PLXDC1: variants seen among roughly 807,000 people sequenced by gnomAD.
PLXDC1 encodes the protein plexin domain-containing protein 1.
PLXDC1 carries 39 observed loss-of-function variants against 61.3 expected under a neutral mutation model. That is an observed-to-expected ratio of 0.64 (90% confidence interval 0.49 to 0.83). The LOEUF is 0.83. PLXDC1 is among the 40% of genes least tolerant of loss of function. The pLI, the probability that PLXDC1 is intolerant of heterozygous loss-of-function variation, is 0.00. For synonymous variants in PLXDC1, 212 were observed against 254.5 expected, an observed-to-expected ratio of 0.83 and a Z score of 1.59; for missense variants, 596 against 666.5, an observed-to-expected ratio of 0.89 and a Z score of 1.17.
At chr17:39,128,120 T>TATAC (rs1567769587) in intron 2 of PLXDC1, among the ~76,000 whole-genome samples, 17 of 118,804 alleles carry the variant, frequency 1.4e-4, no homozygotes, top group East Asian at 5.1e-4. Context: ...TATATGTATA[T>TATAC]ATATATGTGT....
At chr17:39,072,709 G>A in intron 11 of PLXDC1, 1 of 568,636 alleles carries the variant, frequency 1.8e-6, no homozygotes, top group Non-Finnish European at 3.2e-6. Context: ...GGCTGGGAGT[G>A]GAGGGCCGGC....
chr17:39,111,146 C>T (rs1280395228), intron 2 of PLXDC1, among the ~76,000 whole-genome samples: 4 of 152,138 alleles, frequency 2.6e-5, no homozygotes, highest in Non-Finnish European at 5.9e-5. Context: ...TGCCCACCCC[C>T]CAGACCAGAC....
chr17:39,067,641 A>T lies in PLXDC1; in HGVS notation c.*199T>A, dbSNP rs1908944925. ...AGATTAGGTTGTTGTTCCTATAAAA[A>T]ATCCATGTGGTTGTTTTTTGGCCCC... On this transcript the variant is annotated 3_prime_UTR_variant, in exon 14 of 14. Coordinates refer to ENST00000315392, the MANE Select transcript of PLXDC1 (RefSeq NM_020405.5). The T allele has an allele frequency of 3.8e-6, 2 of 526,656 alleles. No individual in the cohort carries two copies. The highest frequency in any genetic ancestry group is 6.9e-5 in the Admixed American group (2 of 28,888). The allele number at this position is 526,656 out of a possible 1,614,324, so 32.6% of individuals were successfully genotyped here. A position where few individuals can be genotyped will look rare whatever the true frequency, so the allele number is the denominator to read the frequency against.
chr17:39,109,504 AG>A, intron 2 of PLXDC1, 113 bp from the exon 3 acceptor site: 2 of 1,317,356 alleles, frequency 1.5e-6, no homozygotes, highest in Non-Finnish European at 2.1e-6. Context: ...CCACCCTCCC[AG>A]GGTGCTGGAC....
intron 7 of PLXDC1, among the ~76,000 whole-genome samples, chr17:39,101,439 T>C (rs1910415418): frequency 6.6e-6 from 1 of 152,020 alleles, no homozygotes; most frequent in South Asian, 2.1e-4. Context: ...CAGGACAGTT[T>C]TGTGGAAGAA....
intron 7 of PLXDC1, among the ~76,000 whole-genome samples, chr17:39,098,747 CA>C (rs1910315473): frequency 6.6e-6 from 1 of 152,074 alleles, no homozygotes; most frequent in African/African-American, 2.4e-5. Context: ...TGGTGCCAAG[CA>C]GTAAAAAAGA....
intron 7 of PLXDC1, among the ~76,000 whole-genome samples, chr17:39,104,608 G>T (rs1910531374): frequency 6.6e-6 from 1 of 151,872 alleles, no homozygotes; most frequent in African/African-American, 2.4e-5. Context: ...ACATAGCAAG[G>T]CCCTGTCTCT....
Position 39,063,916 on chromosome 17 carries a change from G to T in PLXDC1, c.*3924C>A. 1 of 164,750 alleles carries T rather than the reference G, an allele frequency of 6.1e-6. No individual in the cohort carries two copies. The highest frequency in any genetic ancestry group is 1.3e-5 in the Non-Finnish European group (1 of 75,618). The allele number at this position is 164,750 out of a possible 1,614,324, so 10.2% of individuals were successfully genotyped here. A position where few individuals can be genotyped will look rare whatever the true frequency, so the allele number is the denominator to read the frequency against. On this transcript the variant is annotated 3_prime_UTR_variant, in exon 14 of 14. Coordinates refer to ENST00000315392, the MANE Select transcript of PLXDC1 (RefSeq NM_020405.5). Reference sequence around the variant, plus strand: ...AGGAGAGAGAGCCTTAGCCTTGCCTGCAACCAGATGAATGGTTAGCTTTAG... The same window carrying T: ...AGGAGAGAGAGCCTTAGCCTTGCCTTCAACCAGATGAATGGTTAGCTTTAG...
In PLXDC1 at chr17:39,105,612, G is replaced by A. The variant is rs1435718893; in HGVS notation, c.811+242C>T. Among the ~76,000 whole-genome samples the A allele has an allele frequency of 1.3e-5, 2 of 152,254 alleles. 1 individual carries two copies. The highest frequency in any genetic ancestry group is 6.8e-3 in the Middle Eastern group (2 of 294). On this transcript the variant is annotated intron_variant, in intron 7 of 13. Transcript: ENST00000315392. ...ACAGGGGCTGAGTGGAAGGGCTGTGGCTCCCTTTCACCTTAACAACCAGAG... is the reference window on the plus strand; with the variant it reads ...ACAGGGGCTGAGTGGAAGGGCTGTGACTCCCTTTCACCTTAACAACCAGAG...
Position 39,095,790 on chromosome 17 carries a change from G to A in PLXDC1, c.812-8088C>T, listed in dbSNP as rs576079049. 1.2e-4 allele frequency among the ~76,000 whole-genome samples: 19 copies of A among 152,050 alleles called. 1 individual carries two copies. The South Asian group carries it at 2.9e-3, about 23-fold the overall frequency. ...AGCAATTCTCCTGCCTCAGCCTCCCGAGGAGCTGGGATTACAGGTGCCTGC... is the reference window on the plus strand; with the variant it reads ...AGCAATTCTCCTGCCTCAGCCTCCCAAGGAGCTGGGATTACAGGTGCCTGC... On this transcript the variant is annotated intron_variant, in intron 7 of 13. Transcript: ENST00000315392.
chr17:39,134,587 T>A (rs1295981985), intron 2 of PLXDC1, among the ~76,000 whole-genome samples: 3 of 139,144 alleles, frequency 2.2e-5, no homozygotes, highest in Admixed American at 7.4e-5. Context: ...GATCATGCCA[T>A]CACACTCCAG....
At chr17:39,081,158 C>T (rs1406979713) in intron 9 of PLXDC1, 1 of 152,530 alleles carries the variant, frequency 6.6e-6, no homozygotes, top group Non-Finnish European at 1.5e-5. Flanking sequence ...GGATGGGGCC[C>T]AGGAATCTGC....
intron 7 of PLXDC1, among the ~76,000 whole-genome samples, chr17:39,097,438 G>A (rs1383393502): frequency 1.3e-5 from 2 of 152,062 alleles, no homozygotes; most frequent in African/African-American, 4.8e-5. Context: ...CGGATTGAAT[G>A]TGAGACCCAA....
chr17:39,151,655 G>A (rs900090829), upstream of PLXDC1: 57 of 701,790 alleles, frequency 8.1e-5, 2 homozygotes, highest in African/African-American at 7.9e-4. The surrounding 1 kb of genome is among the most constrained non-coding windows in gnomAD (Gnocchi z 5.2). Context: ...GAGCTGGGGG[G>A]GCCGCTGGGT....
At position 39,151,060 on chromosome 17, in the gene PLXDC1, C is replaced by T. The variant is rs1432540113; in HGVS notation, c.76+302G>A. 6.6e-6 allele frequency among the ~76,000 whole-genome samples: 1 copy of T among 152,186 alleles called. No homozygotes were observed. The highest frequency in any genetic ancestry group is 1.5e-5 in the Non-Finnish European group (1 of 68,026). ...TGATCAGGGGTCCTGATGACTCTCC[C>T]GCTGTCCCCTTTCAGAGCCCATGGC... On this transcript the variant is annotated intron_variant, in intron 1 of 13. Transcript: ENST00000315392. The surrounding 1 kb of genome is among the most constrained non-coding windows in gnomAD (Gnocchi z 5.2).
chr17:39,121,972 C>A (rs148873013), intron 2 of PLXDC1, among the ~76,000 whole-genome samples: 1,599 of 151,510 alleles, frequency 0.011, 37 homozygotes, highest in African/African-American at 0.036. Flanking sequence ...TGGTGGGCGC[C>A]TGTAATCCCA....
chr17:39,122,098 A>G, intron 2 of PLXDC1, among the ~76,000 whole-genome samples: 1 of 109,866 alleles, frequency 9.1e-6, no homozygotes, highest in Admixed American at 8.5e-5. Flanking sequence ...CTCTGTCAAA[A>G]AAAAAAAAAA....
intron 2 of PLXDC1, 105 bp from the exon 3 acceptor site, chr17:39,109,496 A>C: frequency 7.3e-7 from 1 of 1,374,406 alleles, no homozygotes. Context: ...GGAAGTCACC[A>C]CCCTCCCAGG....
chr17:39,063,547 GT>G lies in PLXDC1; in HGVS notation c.*4292del. The G allele has an allele frequency of 1.4e-6, 1 of 700,532 alleles. No individual in the cohort carries two copies. The highest frequency in any genetic ancestry group is 2.6e-6 in the Non-Finnish European group (1 of 384,324). 43.4% of individuals were successfully genotyped at this position (700,532 alleles called of 1,614,324 possible). ...GAGTTCAGCAGCCATCAGAACCAAG[GT>G]ATGTGTGGTGATCTTCGGAATGCCA... On this transcript the variant is annotated 3_prime_UTR_variant, in exon 14 of 14. Transcript: ENST00000315392.
Sources: gnomAD v4.1 joint callset for allele counts (sites outside exome capture counted in the v4.1 genomes callset) on GRCh38, gnomAD v4.1.1 for gene constraint, Gnocchi (gnomAD v3.1) non-coding constraint, MANE v1.5 for transcripts, NCBI Gene and HGNC (gene_info 2026-07-23, HGNC 2026-07-21) for gene names.